Variants in EYA4 observed in about 807,000 individuals in gnomAD.
EYA4 encodes the protein EYA transcriptional coactivator and phosphatase 4.
EYA4 carries 31 observed loss-of-function variants against 87.9 expected under a neutral mutation model. That is an observed-to-expected ratio of 0.35 (90% CI 0.27 to 0.48). EYA4 has a LOEUF of 0.48. Among genes scored for constraint, EYA4 ranks in the 20% least tolerant of loss-of-function variants. The pLI is 0.99. For synonymous variants in EYA4, 263 were observed against 270.6 expected, an observed-to-expected ratio of 0.97 and a Z score of 0.28; for missense variants, 678 against 761.4, an observed-to-expected ratio of 0.89 and a Z score of 1.29.
At chr6:133,316,103 G>A (rs1007365415) in intron 2 of EYA4, among the ~76,000 whole-genome samples, 8 of 152,116 alleles carry the variant, frequency 5.3e-5, no homozygotes, top group African/African-American at 7.2e-5. Flanking sequence ...TATACGATAC[G>A]TATGCTGGTC....
chr6:133,454,113 G>A (rs565875206), intron 5 of EYA4, among the ~76,000 whole-genome samples: 9 of 152,196 alleles, frequency 5.9e-5, no homozygotes, highest in Non-Finnish European at 8.8e-5. Context: ...GACCAGTTTC[G>A]TTAGACACAG....
intron 6 of EYA4, 101 bp downstream of exon 6, chr6:133,456,749 T>C: frequency 1.3e-6 from 1 of 761,534 alleles, no homozygotes; most frequent in South Asian, 1.5e-5. Flanking sequence ...CTTAGAACTT[T>C]GATCCTTATA....
chr6:133,382,683 A>C (rs1786327574), intron 3 of EYA4, among the ~76,000 whole-genome samples: 1 of 152,148 alleles, frequency 6.6e-6, no homozygotes. Context: ...ATACGTGAAA[A>C]AAAATCCCTT....
intron 13 of EYA4, among the ~76,000 whole-genome samples, chr6:133,504,865 T>G (rs910197508): frequency 5.5e-4 from 83 of 152,174 alleles, no homozygotes; most frequent in Non-Finnish European, 1.1e-3. Flanking sequence ...TTGAGATACA[T>G]TTCTTGAAAT....
intron 1 of EYA4, among the ~76,000 whole-genome samples, chr6:133,266,152 G>A (rs1464169123): frequency 6.6e-6 from 1 of 152,164 alleles, no homozygotes; most frequent in African/African-American, 2.4e-5. Context: ...GGTCTTTGCA[G>A]GTATGATCAA....
intron 2 of EYA4, 47 bp downstream of exon 2, chr6:133,274,860 A>G (rs1211405640): frequency 7.2e-7 from 1 of 1,384,470 alleles, no homozygotes; most frequent in Non-Finnish European, 1.0e-6. Context: ...CGATAACACT[A>G]CTGAAAATCA....
At chr6:133,503,839 A>T (rs531242503) in intron 13 of EYA4, among the ~76,000 whole-genome samples, 1 of 152,204 alleles carries the variant, frequency 6.6e-6, no homozygotes, top group Non-Finnish European at 1.5e-5. Flanking sequence ...TGAAGAAAAA[A>T]GAATTTTATA....
chr6:133,318,266 G>A (rs1336526), intron 2 of EYA4, among the ~76,000 whole-genome samples: 66,295 of 151,532 alleles, frequency 0.44, 15,139 homozygotes, highest in Non-Finnish European at 0.52. Flanking sequence ...TATTGACTTC[G>A]CTGATGATAG....
intron 1 of EYA4, among the ~76,000 whole-genome samples, chr6:133,252,981 A>ACT (rs758987142): frequency 0.12 from 17,026 of 141,154 alleles, 1,265 homozygotes; most frequent in Non-Finnish European, 0.17. Context: ...ACACACACAC[A>ACT]CACACACACT....
chr6:133,464,796 T>C lies in EYA4; in HGVS notation c.742T>C (p.Ser248Pro). 6.2e-7 allele frequency: 1 copy of C among 1,608,022 alleles called. No individual in the cohort carries two copies. Among genetic ancestry groups the C allele is most frequent in the Non-Finnish European group, 8.5e-7 (1 of 1,175,170 alleles). Residue 248 changes from serine (S) to proline (P), a missense_variant, in exon 10 of 20, where the codon TCA becomes CCA. Transcript: ENST00000355286. Reference sequence around the variant, plus strand: ...ACCTCTAGGTTCTAGTTTTGCACCATCATCTACTATTTATGCAAATAATTC... The same window carrying C: ...ACCTCTAGGTTCTAGTTTTGCACCACCATCTACTATTTATGCAAATAATTC... ...YQMPGSSFAP[S>P]STIYANNSVS...
At chr6:133,255,948 T>C (rs940661265) in intron 1 of EYA4, among the ~76,000 whole-genome samples, 4 of 152,048 alleles carry the variant, frequency 2.6e-5, no homozygotes, top group East Asian at 1.9e-4. Flanking sequence ...TAGATAAATA[T>C]GTATGTGCAT....
intron 2 of EYA4, among the ~76,000 whole-genome samples, chr6:133,362,652 T>C (rs1583063045): frequency 6.6e-6 from 1 of 152,094 alleles, no homozygotes; most frequent in African/African-American, 2.4e-5. Context: ...AGTCTAGGGG[T>C]TCCCAGAACT....
intron 5 of EYA4, among the ~76,000 whole-genome samples, chr6:133,451,975 T>C (rs1793493838): frequency 6.6e-6 from 1 of 152,108 alleles, no homozygotes; most frequent in Admixed American, 6.6e-5. Context: ...AGAATAAAAG[T>C]CATAAATGGC....
intron 19 of EYA4, among the ~76,000 whole-genome samples, chr6:133,525,746 T>A (rs1392646503): frequency 6.6e-6 from 1 of 152,092 alleles, no homozygotes; most frequent in African/African-American, 2.4e-5. Flanking sequence ...TGCCATATGG[T>A]CCTCGTGAGT....
intron 2 of EYA4, among the ~76,000 whole-genome samples, chr6:133,338,380 C>G (rs1782533496): frequency 6.6e-6 from 1 of 152,084 alleles, no homozygotes; most frequent in Non-Finnish European, 1.5e-5. Context: ...GAAATAATTA[C>G]TTTTTGTACT....
intron 3 of EYA4, among the ~76,000 whole-genome samples, chr6:133,421,374 G>A (rs1271044411): frequency 6.6e-6 from 1 of 152,158 alleles, no homozygotes; most frequent in East Asian, 1.9e-4. Flanking sequence ...ATGCCACGGA[G>A]TCTAAATAAA....
chr6:133,478,152 A>C (rs1795904234), intron 11 of EYA4, among the ~76,000 whole-genome samples: 1 of 152,164 alleles, frequency 6.6e-6, no homozygotes, highest in Non-Finnish European at 1.5e-5. Context: ...TGGTAAGAGT[A>C]AATTAATACT....
intron 3 of EYA4, among the ~76,000 whole-genome samples, chr6:133,433,789 A>G (rs189647584): frequency 6.6e-6 from 1 of 152,370 alleles, no homozygotes; most frequent in East Asian, 1.9e-4. Context: ...CTCAAGTCCA[A>G]CAAGATGGCA....
At chr6:133,468,806 C>A in intron 11 of EYA4, 75 bp downstream of exon 11, 2 of 1,464,926 alleles carry the variant, frequency 1.4e-6, no homozygotes, top group Non-Finnish European at 1.9e-6. Flanking sequence ...GTGGACATTC[C>A]AAAAACATGG....
Sources: gnomAD v4.1 joint callset for allele counts (sites outside exome capture counted in the v4.1 genomes callset) on GRCh38, gnomAD v4.1.1 for gene constraint, MANE v1.5 for transcripts, NCBI Gene and HGNC (gene_info 2026-07-23, HGNC 2026-07-21) for gene names.